The following EPHA5 variants were observed in gnomAD, a reference collection of about 807,000 sequenced individuals.
EPHA5 encodes ephrin type-A receptor 5.
A neutral mutation model predicts 105.0 loss-of-function variants in EPHA5; 60 were observed. That is an observed-to-expected ratio of 0.57 (90% CI 0.46 to 0.71). EPHA5 has a LOEUF of 0.71. Ranked by LOEUF, EPHA5 falls within the 30% of genes least tolerant of loss-of-function variation. The pLI, the probability that EPHA5 is intolerant of heterozygous loss-of-function variation, is 0.00. For missense variants in EPHA5, 1,218 were observed against 1,274.7 expected (o/e 0.96, Z 0.68); for synonymous variants, 513 against 449.1 (o/e 1.14, Z -1.80).
At chr4:65,657,036 C>G (rs891867761) in intron 1 of EPHA5, among the ~76,000 whole-genome samples, 1 of 151,222 alleles carries the variant, frequency 6.6e-6, no homozygotes, top group East Asian at 1.9e-4. Flanking sequence ...CTTTATCACA[C>G]ATTTTAAACT....
intron 5 of EPHA5, among the ~76,000 whole-genome samples, chr4:65,469,519 G>T (rs1729079581): frequency 6.6e-6 from 1 of 152,116 alleles, no homozygotes; most frequent in Admixed American, 6.6e-5. Flanking sequence ...CAAAAACAAT[G>T]TTCAAAGTAG....
At chr4:65,352,628 T>G (rs1722922615) in intron 12 of EPHA5, among the ~76,000 whole-genome samples, 1 of 151,994 alleles carries the variant, frequency 6.6e-6, no homozygotes, top group Non-Finnish European at 1.5e-5. Flanking sequence ...GACACCTTTA[T>G]TAATGACTTG....
intron 3 of EPHA5, among the ~76,000 whole-genome samples, chr4:65,566,181 C>G (rs1028476693): frequency 6.6e-6 from 1 of 151,696 alleles, no homozygotes; most frequent in Non-Finnish European, 1.5e-5. Flanking sequence ...ACAATGGGGT[C>G]TCCTCTTTCT....
chr4:65,573,031 A>C (rs1435464793), intron 3 of EPHA5, among the ~76,000 whole-genome samples: 1 of 152,096 alleles, frequency 6.6e-6, no homozygotes, highest in East Asian at 1.9e-4. Flanking sequence ...ACTTTGTCTC[A>C]AAAAGAAAAA....
chr4:65,565,060 T>C (rs1443620293), intron 3 of EPHA5, among the ~76,000 whole-genome samples: 1 of 151,644 alleles, frequency 6.6e-6, no homozygotes, highest in Non-Finnish European at 1.5e-5. Context: ...CAGAAGCATA[T>C]AGATATTTCA....
At chr4:65,346,242 T>A (rs538648453) in intron 14 of EPHA5, among the ~76,000 whole-genome samples, 60 of 152,174 alleles carry the variant, frequency 3.9e-4, no homozygotes, top group African/African-American at 1.4e-3. Context: ...TCTCATTGTA[T>A]AAGTAAGTAC....
At chr4:65,661,162 A>C (rs1749526025) in intron 1 of EPHA5, among the ~76,000 whole-genome samples, 1 of 152,180 alleles carries the variant, frequency 6.6e-6, no homozygotes, top group African/African-American at 2.4e-5. Flanking sequence ...AGGGCCAAAT[A>C]ATTTAGAGTT....
intron 5 of EPHA5, among the ~76,000 whole-genome samples, chr4:65,444,506 T>C (rs1560542745): frequency 6.6e-6 from 1 of 152,160 alleles, no homozygotes; most frequent in Non-Finnish European, 1.5e-5. Context: ...CTATCTTGTA[T>C]ATATACCTTG....
chr4:65,374,297 A>C (rs1718775361), intron 8 of EPHA5, among the ~76,000 whole-genome samples: 1 of 151,934 alleles, frequency 6.6e-6, no homozygotes, highest in Admixed American at 6.6e-5. Flanking sequence ...ATTTCAGTCA[A>C]AGCAGGGAGA....
chr4:65,457,397 A>G (rs978433272), intron 5 of EPHA5, among the ~76,000 whole-genome samples: 1 of 152,182 alleles, frequency 6.6e-6, no homozygotes, highest in African/African-American at 2.4e-5. Flanking sequence ...AAAACCAACT[A>G]TAAGTTATAC....
chr4:65,390,398 A>T (rs1385511694), intron 8 of EPHA5, among the ~76,000 whole-genome samples: 1 of 151,950 alleles, frequency 6.6e-6, no homozygotes, highest in Admixed American at 6.6e-5. Context: ...TCACTCCTAG[A>T]CTTTCCCCTC....
chr4:65,587,372 C>G (rs1205953995), intron 3 of EPHA5, among the ~76,000 whole-genome samples: 1 of 152,034 alleles, frequency 6.6e-6, no homozygotes, highest in Non-Finnish European at 1.5e-5. Flanking sequence ...CAAAACAAAA[C>G]TTGAATACAA....
At chr4:65,645,852 G>A (rs1221527890) in intron 1 of EPHA5, among the ~76,000 whole-genome samples, 2 of 151,888 alleles carry the variant, frequency 1.3e-5, no homozygotes, top group African/African-American at 4.8e-5. Context: ...TCCCACTACT[G>A]CCTAAAATTG....
intron 3 of EPHA5, among the ~76,000 whole-genome samples, chr4:65,526,967 T>C (rs1047436563): frequency 6.6e-6 from 1 of 152,044 alleles, no homozygotes; most frequent in Admixed American, 6.6e-5. Flanking sequence ...ATCCTCATTC[T>C]TTCCTCTAAA....
chr4:65,625,819 A>G (rs1232439278), intron 2 of EPHA5, among the ~76,000 whole-genome samples: 3 of 152,234 alleles, frequency 2.0e-5, no homozygotes, highest in Non-Finnish European at 4.4e-5. Flanking sequence ...ACATTTATTT[A>G]AAGAATGCGC....
chr4:65,424,808 T>C (rs1724266789), intron 5 of EPHA5, among the ~76,000 whole-genome samples: 1 of 152,064 alleles, frequency 6.6e-6, no homozygotes, highest in South Asian at 2.1e-4. Flanking sequence ...CTTGATTTTA[T>C]TAATTTTATT....
At chr4:65,442,602 C>T (rs189044180) in intron 5 of EPHA5, among the ~76,000 whole-genome samples, 16 of 152,090 alleles carry the variant, frequency 1.1e-4, no homozygotes, top group Non-Finnish European at 1.9e-4. Flanking sequence ...ACTGGACATC[C>T]AGATATGTAA....
At chr4:65,369,480 C>G (rs1718244885) in intron 8 of EPHA5, among the ~76,000 whole-genome samples, 1 of 152,004 alleles carries the variant, frequency 6.6e-6, no homozygotes, top group African/African-American at 2.4e-5. Flanking sequence ...TTGAGAACTA[C>G]CGTGTGACGT....
chr4:65,531,384 T>C (rs1301672640), intron 3 of EPHA5, among the ~76,000 whole-genome samples: 1 of 152,130 alleles, frequency 6.6e-6, no homozygotes, highest in Non-Finnish European at 1.5e-5. Context: ...GAAAGTGGAG[T>C]TGATGTTTGG....
Sources: allele counts gnomAD v4.1 joint callset (sites outside exome capture counted in the v4.1 genomes callset), GRCh38; gene constraint gnomAD v4.1.1; transcripts MANE v1.5; gene names NCBI Gene and HGNC (gene_info 2026-07-23, HGNC 2026-07-21).